Variants in PML observed in about 807,000 individuals in gnomAD.
PML encodes the protein protein PML.
A neutral mutation model predicts 65.2 loss-of-function variants in PML; 28 were observed. The observed-to-expected ratio is 0.43, with a 90% CI of 0.32 to 0.59. PML has a LOEUF of 0.59. Ranked by LOEUF, PML falls within the 20% of genes least tolerant of loss-of-function variation. The pLI is 0.08. For missense variants in PML, 1,021 were observed against 1,203.4 expected, an observed-to-expected ratio of 0.85 and a Z score of 2.24; for synonymous variants, 500 against 508.8, an observed-to-expected ratio of 0.98 and a Z score of 0.23.
Position 74,023,156 on chromosome 15 carries a change from G to GAGAT in PML, c.932_935dup (p.Met312IlefsTer105), listed in dbSNP as rs2070919872. The stretch of plus-strand genomic sequence containing the variant: ...CGCGCGGTACCAGCGCGACTACGAG[G>GAGAT]AGATGGCCAGTCGGCTGGGCCGCCT... On this transcript the variant is annotated frameshift_variant, in exon 3 of 9. Coordinates refer to ENST00000268058, the MANE Select transcript of PML (RefSeq NM_033238.3). LOFTEE classifies it high-confidence loss of function. 6.2e-7 allele frequency: 1 copy of GAGAT among 1,605,118 alleles called. No individual in the cohort carries two copies. The highest frequency in any genetic ancestry group is 8.5e-7 in the Non-Finnish European group (1 of 1,177,638).
At chr15:74,034,131 G>A in intron 6 of PML, 1 of 410,586 alleles carries the variant, frequency 2.4e-6, no homozygotes, top group Non-Finnish European at 4.6e-6. Flanking sequence ...TCATGGAGCT[G>A]AGAATGGGGA....
chr15:74,043,061 G>T lies in PML; in HGVS notation c.1783G>T (p.Val595Phe). Residue 595 changes from valine to phenylalanine, a missense_variant, in exon 8 of 9, where the codon GTC becomes TTC. Transcript: ENST00000268058. The surrounding 1 kb of genome is among the most constrained non-coding windows in gnomAD (Gnocchi z 4.3). Reference sequence around the variant, plus strand: ...GCTGGAAGGCCCCAGCACCCTCAGGGTCCTGGACGAGAACCTTGCTGACCC... The same window carrying T: ...GCTGGAAGGCCCCAGCACCCTCAGGTTCCTGGACGAGAACCTTGCTGACCC... ...LQLEGPSTLRVLDENLADPQA... is the reference protein window; with the variant it reads ...LQLEGPSTLRFLDENLADPQA... 1 of 1,613,518 alleles carries T rather than the reference G, an allele frequency of 6.2e-7. No individual in the cohort carries two copies. The highest frequency in any genetic ancestry group is 1.3e-5 in the African/African-American group (1 of 74,842).
In PML at chr15:73,994,729, C is replaced by G. The variant is rs569274755; in HGVS notation, c.-84C>G. ...CCCCTTTCGGACAGCTCAAGGGACT[C>G]AGCCAACTGGCTCACGCCTCCCCTT... On this transcript the variant is annotated 5_prime_UTR_variant, in exon 1 of 9. Transcript: ENST00000268058. 2.8e-6 allele frequency: 4 copies of G among 1,453,338 alleles called. No individual in the cohort carries two copies. The East Asian group carries it at 9.9e-5, about 36-fold the overall frequency. The allele number at this position is 1,453,338 out of a possible 1,614,324, so 90.0% of individuals were successfully genotyped here.
At position 74,033,252 on chromosome 15, in the gene PML, G is replaced by T. The variant is rs1325628964; in HGVS notation, c.1495G>T (p.Ala499Ser). ...GATGGAGTCTGAGGAGGGGAAGGAGGCAAGGTTGGCTCGGAGCTCCCCGGA... is the reference window on the plus strand; with the variant it reads ...GATGGAGTCTGAGGAGGGGAAGGAGTCAAGGTTGGCTCGGAGCTCCCCGGA... ...IKMESEEGKE[A>S]RLARSSPEQP... Residue 499 changes from alanine to serine, a missense_variant, in exon 6 of 9, where the codon GCA becomes TCA. Ala to Ser is a moderately conservative substitution (Grantham distance 99). Coordinates refer to ENST00000268058, the MANE Select transcript of PML (RefSeq NM_033238.3). 6.2e-7 allele frequency: 1 copy of T among 1,614,210 alleles called. No individual in the cohort carries two copies. Among genetic ancestry groups the T allele is most frequent in the Non-Finnish European group, 8.5e-7 (1 of 1,180,034 alleles).
At chr15:74,027,460 G>A (rs919277028) in intron 4 of PML, 8 of 152,244 alleles carry the variant, frequency 5.3e-5, no homozygotes, top group African/African-American at 1.9e-4. Context: ...GCTAAGGTGG[G>A]AGGATCACCT....
intron 2 of PML, among the ~76,000 whole-genome samples, chr15:74,011,062 C>G (rs1305637936): frequency 6.6e-6 from 1 of 152,290 alleles, no homozygotes; most frequent in East Asian, 1.9e-4. Context: ...GATTGTGTCA[C>G]CAGGAGGTAC....
chr15:74,043,247 G>A lies in PML; in HGVS notation c.1861+108G>A. 6.3e-7 allele frequency: 1 copy of A among 1,599,676 alleles called. No homozygotes were observed. Among genetic ancestry groups the A allele is most frequent in the Non-Finnish European group, 8.5e-7 (1 of 1,173,332 alleles). ...AGGCCCAGGAGAGCTCTGAGCTCTG[G>A]CCAACAACTGCAGCCAGGCTGGGCA... is the stretch of plus-strand genomic sequence containing the variant. On this transcript the variant is annotated intron_variant, in intron 8 of 8. Transcript: ENST00000268058. The surrounding 1 kb of genome is among the most constrained non-coding windows in gnomAD (Gnocchi z 4.3).
Position 74,023,404 on chromosome 15 carries a change from G to A in PML, c.1179G>A (p.Gly393=), listed in dbSNP as rs1249386093. 6.3e-7 allele frequency: 1 copy of A among 1,598,232 alleles called. No homozygotes were observed. Among genetic ancestry groups the A allele is most frequent in the Middle Eastern group, 1.7e-4 (1 of 6,022 alleles). ...LQDLSSCITQ[G]KDAAVSKKAS... Reference sequence around the variant, plus strand: ...ACCTCAGCTCTTGCATCACCCAGGGGAAAGGTAAGCACGCACGCCACCTTC... The same window carrying A: ...ACCTCAGCTCTTGCATCACCCAGGGAAAAGGTAAGCACGCACGCCACCTTC... The change falls in exon 3 of 9, where the codon GGG becomes GGA. Residue 393 remains glycine, a synonymous_variant. Transcript: ENST00000268058.
chr15:74,042,687 C>T lies in PML; in HGVS notation c.1711-302C>T. The stretch of plus-strand genomic sequence containing the variant: ...TCACACTTAACTGTGCATGCACACA[C>T]AGATTTAGCACTTGGATTCATTCCC... On this transcript the variant is annotated intron_variant, in intron 7 of 8. Coordinates refer to ENST00000268058, the MANE Select transcript of PML (RefSeq NM_033238.3). This position sits in a 1 kb window ranked among gnomAD's most constrained non-coding sequence, Gnocchi z 5.3. 1.0e-6 allele frequency: 1 copy of T among 985,394 alleles called. No homozygotes were observed. 61.0% of individuals were successfully genotyped at this position (985,394 alleles called of 1,614,324 possible). A position where few individuals can be genotyped will look rare whatever the true frequency, so the allele number is the denominator to read the frequency against.
chr15:74,033,424 T>G lies in PML; in HGVS notation c.1657+10T>G. The G allele has an allele frequency of 6.2e-7, 1 of 1,611,170 alleles. No individual in the cohort carries two copies. Among genetic ancestry groups the G allele is most frequent in the African/African-American group, 1.3e-5 (1 of 74,884 alleles). On this transcript the variant is annotated intron_variant, in intron 6 of 8. Coordinates refer to ENST00000268058, the MANE Select transcript of PML (RefSeq NM_033238.3). ...GGCGCCGGGGAGGCAGGTAGGGAGG[T>G]GGGTAGGGCAGTGGCCTGGGTGCTG...
Position 74,045,573 on chromosome 15 carries a change from C to T in PML, c.*565C>T, listed in dbSNP as rs947189294. On this transcript the variant is annotated 3_prime_UTR_variant, in exon 9 of 9. Transcript: ENST00000268058. ...CCCTTCTCCTTTCATCCCAGAGGGG[C>T]CTCATCAGCAAAGACAGAAACTGAT... is the stretch of plus-strand genomic sequence containing the variant. The T allele has an allele frequency of 9.8e-5, 23 of 233,874 alleles. No individual in the cohort carries two copies. The highest frequency in any genetic ancestry group is 1.2e-4 in the Non-Finnish European group (14 of 118,614). The allele number at this position is 233,874 out of a possible 1,614,324, so 14.5% of individuals were successfully genotyped here.
intron 2 of PML, among the ~76,000 whole-genome samples, chr15:74,016,043 C>T (rs2070558343): frequency 6.6e-6 from 1 of 152,088 alleles, no homozygotes; most frequent in South Asian, 2.1e-4. Flanking sequence ...ATTTGGGAGG[C>T]CGAGGTGGGC....
chr15:74,036,979 T>C (rs2071583480), intron 7 of PML: 1 of 985,300 alleles, frequency 1.0e-6, no homozygotes, highest in Admixed American at 6.1e-5. Context: ...TTTCATCCCA[T>C]CTTTCATCAG....
chr15:74,036,313 G>T lies in PML; in HGVS notation c.1710+1783G>T, dbSNP rs573127760. ...AGCCTCTCCACTAGGCCTCTGCCAGGATCTAAGCCCATGAGCACAGGGACT... is the reference window on the plus strand; with the variant it reads ...AGCCTCTCCACTAGGCCTCTGCCAGTATCTAAGCCCATGAGCACAGGGACT... On this transcript the variant is annotated intron_variant, in intron 7 of 8. Transcript: ENST00000268058. 5.4e-4 allele frequency: 775 copies of T among 1,437,224 alleles called. 8 individuals carry two copies. In the African/African-American group the frequency reaches 0.01, roughly 19 times the overall value. 89.0% of individuals were successfully genotyped at this position (1,437,224 alleles called of 1,614,324 possible).
At position 74,033,255 on chromosome 15, in the gene PML, A is replaced by C. The variant is rs757922767; in HGVS notation, c.1498A>C (p.Arg500=). ...KMESEEGKEA[R]LARSSPEQPR... ...GGAGTCTGAGGAGGGGAAGGAGGCAAGGTTGGCTCGGAGCTCCCCGGAGCA... is the reference window on the plus strand; with the variant it reads ...GGAGTCTGAGGAGGGGAAGGAGGCACGGTTGGCTCGGAGCTCCCCGGAGCA... The change falls in exon 6 of 9, where the codon AGG becomes CGG. Residue 500 remains arginine (R), a synonymous_variant. Transcript: ENST00000268058. 19 of 1,614,098 alleles carry C rather than the reference A, an allele frequency of 1.2e-5. No homozygotes were observed. The highest frequency in any genetic ancestry group is 1.6e-4 in the Middle Eastern group (1 of 6,084).
chr15:74,015,136 T>TC (rs1164411583), intron 2 of PML, among the ~76,000 whole-genome samples: 1 of 152,174 alleles, frequency 6.6e-6, no homozygotes, highest in Non-Finnish European at 1.5e-5. Context: ...CCTCAGGCTT[T>TC]CCCCTCTCCA....
intron 4 of PML, among the ~76,000 whole-genome samples, chr15:74,030,913 T>C (rs527851052): frequency 5.3e-5 from 8 of 152,298 alleles, no homozygotes; most frequent in Non-Finnish European, 1.0e-4. Context: ...TTTTTAAATT[T>C]TTTAATTTTT....
intron 2 of PML, among the ~76,000 whole-genome samples, chr15:74,016,225 C>T (rs2070566696): frequency 1.3e-5 from 2 of 151,860 alleles, no homozygotes; most frequent in Admixed American, 1.3e-4. Flanking sequence ...TGCAATGAGC[C>T]GAGATTGCCC....
chr15:74,023,500 A>G, intron 3 of PML, 92 bp downstream of exon 3: 1 of 1,031,814 alleles, frequency 9.7e-7, no homozygotes, highest in South Asian at 1.3e-5. Context: ...TTTGACAGAA[A>G]AGAAAACTGG....
Sources: gnomAD v4.1 joint callset for allele counts (sites outside exome capture counted in the v4.1 genomes callset) on GRCh38, gnomAD v4.1.1 for gene constraint, Gnocchi (gnomAD v3.1) non-coding constraint, MANE v1.5 for transcripts, NCBI Gene and HGNC (gene_info 2026-07-23, HGNC 2026-07-21) for gene names.